The following CD80 variants were observed in gnomAD, a reference collection of about 807,000 sequenced individuals.
The protein encoded by CD80 is CD80 molecule.
In CD80, 13 loss-of-function variants were observed where a neutral mutation model predicts 27.1. The ratio of observed to expected loss-of-function variants is 0.48; its 90% CI spans 0.31 to 0.76. The LOEUF is 0.76. Among genes scored for constraint, CD80 ranks in the 30% least tolerant of loss-of-function variants. The pLI is 0.04. For missense variants in CD80, 277 were observed against 347.9 expected (o/e 0.80, Z 1.62); for synonymous variants, 125 against 125.5 (o/e 1.00, Z 0.03).
chr3:119,530,020 CTG>C (rs2082101262), intron 4 of CD80, 83 bp from the exon 5 acceptor site: 1 of 969,698 alleles, frequency 1.0e-6, no homozygotes, highest in African/African-American at 1.6e-5. Flanking sequence ...ATTGATGCAA[CTG>C]TGGAGTATTC....
chr3:119,541,180 CGTT>C (rs1041490390), intron 3 of CD80, among the ~76,000 whole-genome samples: 18 of 152,232 alleles, frequency 1.2e-4, no homozygotes, highest in Middle Eastern at 3.4e-3. Flanking sequence ...CAATCAAAGA[CGTT>C]GTAAGACTGT....
At chr3:119,527,675 G>A in intron 6 of CD80, 58 bp downstream of exon 6, 3 of 1,012,112 alleles carry the variant, frequency 3.0e-6, no homozygotes, top group Non-Finnish European at 4.6e-6. Flanking sequence ...TTTGTTAAGG[G>A]AAGAATGCCT....
chr3:119,526,728 T>A (rs1451031373), intron 6 of CD80, among the ~76,000 whole-genome samples: 1 of 152,264 alleles, frequency 6.6e-6, no homozygotes, highest in Non-Finnish European at 1.5e-5. Context: ...CAACCTGTTG[T>A]ATAAGCGTCA....
chr3:119,553,287 G>C (rs185844646), intron 2 of CD80, among the ~76,000 whole-genome samples: 1 of 151,624 alleles, frequency 6.6e-6, no homozygotes, highest in South Asian at 2.1e-4. Flanking sequence ...TTAAAGGCAC[G>C]GGCCACCTTG....
intron 4 of CD80, among the ~76,000 whole-genome samples, chr3:119,536,270 T>A (rs1187165176): frequency 6.6e-6 from 1 of 151,986 alleles, no homozygotes; most frequent in African/African-American, 2.4e-5. Context: ...AATAAATAAA[T>A]AAAAAGAAAA....
chr3:119,535,191 C>CAAA (rs56348025), intron 4 of CD80, among the ~76,000 whole-genome samples: 1,198 of 85,006 alleles, frequency 0.014, 8 homozygotes, highest in Middle Eastern at 0.037. Flanking sequence ...GACTCCGTCT[C>CAAA]AAAAAAAAAA....
chr3:119,540,346 T>C (rs1577109654), intron 3 of CD80, among the ~76,000 whole-genome samples: 2 of 152,344 alleles, frequency 1.3e-5, no homozygotes, highest in African/African-American at 2.4e-5. Context: ...CAGGAATGCC[T>C]TGTGGCACCT....
intron 5 of CD80, 30 bp from the exon 6 acceptor site, chr3:119,527,871 A>G (rs1560052694): frequency 6.3e-7 from 1 of 1,584,010 alleles, no homozygotes; most frequent in Non-Finnish European, 8.7e-7. Flanking sequence ...AATAAAAATG[A>G]TAAGTAAGTT....
At position 119,544,786 on chromosome 3, in the gene CD80, T is replaced by C. The variant is rs750178788; in HGVS notation, c.182A>G (p.Gln61Arg). ...CTCCTTTTGCCAGTAGATGCGAGTT[T>C]GTGCCAGCTCTTCAACAGAAACATT... ...GHNVSVEELAQTRIYWQKEKK... is the reference protein window; with the variant it reads ...GHNVSVEELARTRIYWQKEKK... Residue 61 changes from glutamine to arginine, a missense_variant, in exon 3 of 7, where the codon CAA (glutamine) becomes CGA (arginine). Gln to Arg is a conservative substitution (Grantham distance 43). Coordinates refer to ENST00000264246, the MANE Select transcript of CD80 (RefSeq NM_005191.4). 1.4e-5 allele frequency: 22 copies of C among 1,614,098 alleles called. 1 individual carries two copies. Among genetic ancestry groups the C allele is most frequent in the Non-Finnish European group, 1.9e-5 (22 of 1,180,038 alleles).
At chr3:119,547,568 T>C (rs758628349) in intron 2 of CD80, among the ~76,000 whole-genome samples, 1 of 152,224 alleles carries the variant, frequency 6.6e-6, no homozygotes, top group Non-Finnish European at 1.5e-5. Flanking sequence ...CCCCTGTTCC[T>C]TATTGATGTA....
At position 119,544,858 on chromosome 3, in the gene CD80, T is replaced by C; in HGVS notation, c.110A>G (p.His37Arg). 6.2e-7 allele frequency: 1 copy of C among 1,613,786 alleles called. No individual in the cohort carries two copies. The highest frequency in any genetic ancestry group is 1.1e-5 in the South Asian group (1 of 91,064). ...GLSHFCSGVI[H>R]VTKEVKEVAT... ...CACTTCTTTCACTTCCTTGGTCACG[T>C]GGATAACACCTATGGAGAGGCAAAC... is the stretch of plus-strand genomic sequence containing the variant. The change falls in exon 3 of 7, where the codon CAC becomes CGC. Residue 37 changes from histidine to arginine, a missense_variant. His to Arg is a conservative substitution (Grantham distance 29). Transcript: ENST00000264246.
At chr3:119,528,013 T>G (rs1206779320) in intron 5 of CD80, among the ~76,000 whole-genome samples, 172 bp from the exon 6 acceptor site, 1 of 152,154 alleles carries the variant, frequency 6.6e-6, no homozygotes, top group Non-Finnish European at 1.5e-5. Flanking sequence ...AAGGGGACAT[T>G]TGGCAATGCT....
chr3:119,541,049 CA>C (rs112578347), intron 3 of CD80, among the ~76,000 whole-genome samples: 141 of 141,132 alleles, frequency 1.0e-3, no homozygotes, highest in Admixed American at 9.4e-4. Flanking sequence ...GACTCCATCT[CA>C]AAAAAAAAAA....
At chr3:119,525,843 ATTT>A (rs1354209523) in intron 6 of CD80, 94 bp from the exon 7 acceptor site, 1 of 147,416 alleles carries the variant, frequency 6.8e-6, no homozygotes, top group Non-Finnish European at 1.5e-5. Flanking sequence ...TACATATATA[ATTT>A]TTAAATTATA....
rs1371092697 is a variant in CD80, at chr3:119,559,573, C to T, written c.-334G>A. ...TTTCTTTGGGTAATCTTCAGAGAGG[C>T]GACATTTCCCCTTCTAACTTCTGTT... On this transcript the variant is annotated 5_prime_UTR_variant, in exon 1 of 7. Coordinates refer to ENST00000264246, the MANE Select transcript of CD80 (RefSeq NM_005191.4). 6.6e-6 allele frequency: 1 copy of T among 152,176 alleles called. No homozygotes were observed. The highest frequency in any genetic ancestry group is 2.4e-5 in the African/African-American group (1 of 41,418). The allele number at this position is 152,176 out of a possible 1,614,324, so 9.4% of individuals were successfully genotyped here.
intron 4 of CD80, among the ~76,000 whole-genome samples, chr3:119,533,986 A>G (rs549184085): frequency 3.4e-3 from 525 of 152,248 alleles, no homozygotes; most frequent in Non-Finnish European, 5.3e-3. Flanking sequence ...AGACATTTAT[A>G]CCCTAAAGCT....
chr3:119,552,370 G>A (rs770899687), intron 2 of CD80, among the ~76,000 whole-genome samples: 5 of 151,966 alleles, frequency 3.3e-5, no homozygotes, highest in Non-Finnish European at 7.4e-5. Flanking sequence ...TGATTTTTGT[G>A]TGGAGGACTT....
intron 4 of CD80, among the ~76,000 whole-genome samples, chr3:119,535,881 A>G (rs140597529): frequency 6.6e-6 from 1 of 152,296 alleles, no homozygotes; most frequent in African/African-American, 2.4e-5. Flanking sequence ...CAATAATACT[A>G]TTGTTACAAA....
chr3:119,552,341 G>A (rs1042369143), intron 2 of CD80, among the ~76,000 whole-genome samples: 2 of 151,762 alleles, frequency 1.3e-5, no homozygotes, highest in Non-Finnish European at 2.9e-5. Flanking sequence ...AAATAAATTA[G>A]CCAGGCGTGG....
Sources: gnomAD v4.1 joint callset for allele counts (sites outside exome capture counted in the v4.1 genomes callset) on GRCh38, gnomAD v4.1.1 for gene constraint, MANE v1.5 for transcripts, NCBI Gene and HGNC (gene_info 2026-07-23, HGNC 2026-07-21) for gene names.